USP34: variants seen among roughly 807,000 people sequenced by gnomAD.
USP34 encodes ubiquitin specific peptidase 34.
USP34 carries 70 observed loss-of-function variants against 460.3 expected under a neutral mutation model. That is an observed-to-expected ratio of 0.15 (90% CI 0.13 to 0.19). The LOEUF (loss-of-function observed/expected upper bound fraction) is 0.19. Ranked by LOEUF, USP34 falls within the 10% of genes least tolerant of loss-of-function variation. The pLI, the probability that USP34 is intolerant of heterozygous loss-of-function variation, is 1.00. For synonymous variants in USP34, 1,647 were observed against 1,405.3 expected (o/e 1.17, Z -3.85); for missense variants, 3,985 against 4,236.2 (o/e 0.94, Z 1.65).
intron 10 of USP34, among the ~76,000 whole-genome samples, chr2:61,356,087 G>A (rs1420594158): frequency 6.6e-6 from 1 of 151,844 alleles, no homozygotes; most frequent in Non-Finnish European, 1.5e-5. Flanking sequence ...AGATCTCAAA[G>A]AGGTATCTGT....
At chr2:61,241,859 G>A (rs912850586) in intron 51 of USP34, 40 bp from the exon 52 acceptor site, 13 of 1,083,712 alleles carry the variant, frequency 1.2e-5, no homozygotes, top group South Asian at 7.8e-5. Flanking sequence ...TTGAAAAAAT[G>A]GGTATACTCA....
intron 3 of USP34, among the ~76,000 whole-genome samples, chr2:61,398,487 CG>C (rs1267519192): frequency 4.3e-5 from 4 of 93,776 alleles, no homozygotes; most frequent in African/African-American, 8.6e-5. Flanking sequence ...GAGGCGGAAG[CG>C]GGGGAAGGAG....
chr2:61,368,431 CAA>C (rs544622497), intron 10 of USP34, among the ~76,000 whole-genome samples: 1 of 133,340 alleles, frequency 7.5e-6, no homozygotes, highest in Non-Finnish European at 1.6e-5. Flanking sequence ...GACTCCATCT[CAA>C]AAAAAAAAAA....
intron 57 of USP34, 44 bp from the exon 58 acceptor site, chr2:61,232,576 T>C: frequency 7.0e-7 from 1 of 1,436,888 alleles, no homozygotes; most frequent in Non-Finnish European, 9.6e-7. Context: ...TCAACAAATA[T>C]TTGTTACATG....
chr2:61,436,656 CAT>C (rs1694822749), intron 1 of USP34, among the ~76,000 whole-genome samples: 1 of 152,140 alleles, frequency 6.6e-6, no homozygotes, highest in African/African-American at 2.4e-5. Context: ...AACAAAGAAA[CAT>C]AGTTTTCAAC....
chr2:61,394,730 C>T, intron 5 of USP34, 123 bp downstream of exon 5: 2 of 713,206 alleles, frequency 2.8e-6, no homozygotes, highest in South Asian at 4.9e-5. Flanking sequence ...CTCATTTTGT[C>T]AAAATAAAAA....
At chr2:61,312,225 TA>T (rs79623374) in intron 25 of USP34, among the ~76,000 whole-genome samples, 1,450 of 140,962 alleles carry the variant, frequency 0.01, 19 homozygotes, top group East Asian at 0.038. Context: ...TAGGAGGAAT[TA>T]AAAAAAAAAA....
chr2:61,378,632 G>A (rs761275249), intron 7 of USP34, among the ~76,000 whole-genome samples: 5 of 151,808 alleles, frequency 3.3e-5, no homozygotes, highest in Non-Finnish European at 7.4e-5. Context: ...ATGGCCAGGC[G>A]CAGCGGCTCA....
At chr2:61,325,201 A>G (rs72813537) in intron 21 of USP34, among the ~76,000 whole-genome samples, 174 bp downstream of exon 21, 23,949 of 151,758 alleles carry the variant, frequency 0.16, 2,279 homozygotes, top group South Asian at 0.37. Context: ...ACCAGTACGC[A>G]ATACTGGTAG....
chr2:61,319,054 A>G, intron 22 of USP34, 119 bp downstream of exon 22: 1 of 987,106 alleles, frequency 1.0e-6, no homozygotes, highest in South Asian at 2.2e-5. Flanking sequence ...GCTAAAATTC[A>G]TTACATTTGG....
At chr2:61,291,073 T>A (rs1413302775) in intron 33 of USP34, among the ~76,000 whole-genome samples, 1 of 152,084 alleles carries the variant, frequency 6.6e-6, no homozygotes, top group Non-Finnish European at 1.5e-5. Context: ...CTGTAAGGAA[T>A]CAGTATCTGA....
chr2:61,395,328 T>A, intron 3 of USP34, 95 bp from the exon 4 acceptor site: 1 of 804,362 alleles, frequency 1.2e-6, no homozygotes, highest in Non-Finnish European at 2.0e-6. Context: ...AAAAACCGAA[T>A]AAACAGATTA....
intron 65 of USP34, chr2:61,221,862 A>G: frequency 3.2e-6 from 1 of 313,252 alleles, no homozygotes. Flanking sequence ...TTATAAAAAT[A>G]TTCTCTAAAT....
Position 61,200,159 on chromosome 2 carries a change from C to G in USP34, c.9508+2981G>C, listed in dbSNP as rs372306611. 5.2e-5 allele frequency: 8 copies of G among 152,506 alleles called. No homozygotes were observed. The East Asian group carries it at 7.5e-4, about 14-fold the overall frequency. The allele number at this position is 152,506 out of a possible 1,614,324, so 9.4% of individuals were successfully genotyped here. The stretch of plus-strand genomic sequence containing the variant: ...TTTGACTTCCTGGGCTAAAGTGATC[C>G]TTCCACCTCAGCCTCCTGAGTAGCT... On this transcript the variant is annotated intron_variant, in intron 75 of 79. Transcript: ENST00000398571.
chr2:61,350,399 A>G lies in USP34; in HGVS notation c.1378-10T>C, dbSNP rs1218889720. 3.1e-6 allele frequency: 5 copies of G among 1,597,888 alleles called. No homozygotes were observed. The African/African-American group carries it at 6.7e-5, about 22-fold the overall frequency. ...ATGCCAAGTACAGTGTCTAAAAAAA[A>G]GAGGGAGAGATTTCAGTTTGAGAAT... On this transcript the variant is annotated splice_polypyrimidine_tract_variant and intron_variant, in intron 11 of 79. Transcript: ENST00000398571.
chr2:61,301,936 G>A (rs1690238688), intron 27 of USP34, among the ~76,000 whole-genome samples: 1 of 151,692 alleles, frequency 6.6e-6, no homozygotes, highest in African/African-American at 2.4e-5. Flanking sequence ...AGGGATGGGA[G>A]GGTGAGGAGA....
chr2:61,252,549 C>T (rs937061050), intron 48 of USP34, among the ~76,000 whole-genome samples: 8 of 152,092 alleles, frequency 5.3e-5, no homozygotes, highest in African/African-American at 1.7e-4. Context: ...TTCCACTGCA[C>T]ATAAATATCA....
Position 61,380,161 on chromosome 2 carries a change from C to A in USP34, c.1014+8G>T. ...ACGATGACCAAAAATAAAACAAATA[C>A]AGCTTACTGTTATCTGACTCAATCC... is the stretch of plus-strand genomic sequence containing the variant. On this transcript the variant is annotated splice_region_variant and intron_variant, in intron 7 of 79. Coordinates refer to ENST00000398571, the MANE Select transcript of USP34 (RefSeq NM_014709.4). The A allele has an allele frequency of 1.9e-6, 3 of 1,604,074 alleles. No individual in the cohort carries two copies. The highest frequency in any genetic ancestry group is 1.7e-5 in the Admixed American group (1 of 58,440).
chr2:61,358,390 ATAT>A, intron 10 of USP34, among the ~76,000 whole-genome samples: 1 of 152,222 alleles, frequency 6.6e-6, no homozygotes, highest in Middle Eastern at 3.4e-3. Flanking sequence ...AAATTATGAG[ATAT>A]TATAATTGTA....
Sources: allele counts gnomAD v4.1 joint callset (sites outside exome capture counted in the v4.1 genomes callset), GRCh38; gene constraint gnomAD v4.1.1; transcripts MANE v1.5; gene names NCBI Gene and HGNC (gene_info 2026-07-23, HGNC 2026-07-21).